Variants in MAMDC2 observed in about 807,000 individuals in gnomAD.
MAMDC2 encodes the protein MAM domain-containing protein 2.
In MAMDC2, 57 loss-of-function variants were observed where a neutral mutation model predicts 89.8. The ratio of observed to expected loss-of-function variants is 0.63; its 90% CI spans 0.51 to 0.79. The LOEUF (loss-of-function observed/expected upper bound fraction) is 0.79, where lower values mean the gene tolerates loss of function less well. MAMDC2 is among the 30% of genes least tolerant of loss of function. The pLI is 0.00. For synonymous variants in MAMDC2, 313 were observed against 293.4 expected (o/e 1.07, Z -0.68); for missense variants, 800 against 820.6 (o/e 0.97, Z 0.31).
intron 12 of MAMDC2, among the ~76,000 whole-genome samples, chr9:70,224,501 G>T (rs1430602674): frequency 6.6e-6 from 1 of 152,176 alleles, no homozygotes; most frequent in African/African-American, 2.4e-5. Flanking sequence ...TACAATTCCA[G>T]AAGTCTGAAG....
At chr9:70,184,021 G>T (rs1237812871) in intron 11 of MAMDC2, among the ~76,000 whole-genome samples, 1 of 152,124 alleles carries the variant, frequency 6.6e-6, no homozygotes, top group African/African-American at 2.4e-5. Flanking sequence ...GCTGGTACTG[G>T]TTTTTCCTTT....
At chr9:70,211,791 T>C (rs866105721) in intron 11 of MAMDC2, among the ~76,000 whole-genome samples, 2 of 152,240 alleles carry the variant, frequency 1.3e-5, no homozygotes, top group Non-Finnish European at 2.9e-5. Flanking sequence ...GATGGTAACG[T>C]ACAGATGGGG....
intron 2 of MAMDC2, among the ~76,000 whole-genome samples, chr9:70,107,009 C>A (rs189951372): frequency 3.3e-5 from 5 of 152,002 alleles, no homozygotes; most frequent in Non-Finnish European, 5.9e-5. Flanking sequence ...GATCCTTTCT[C>A]GTAAGAGTTT....
chr9:70,208,260 A>G (rs557641282), intron 11 of MAMDC2, among the ~76,000 whole-genome samples: 353 of 152,326 alleles, frequency 2.3e-3, no homozygotes, highest in African/African-American at 7.9e-3. Flanking sequence ...CTTCCTATCC[A>G]TGAGCATGGA....
intron 5 of MAMDC2, among the ~76,000 whole-genome samples, chr9:70,122,707 C>T (rs2030339334): frequency 1.3e-5 from 2 of 152,170 alleles, no homozygotes; most frequent in Admixed American, 1.3e-4. Flanking sequence ...TAGCCTACAT[C>T]ATATACCTCT....
chr9:70,089,908 T>A (rs1827850830), intron 2 of MAMDC2, among the ~76,000 whole-genome samples: 1 of 152,148 alleles, frequency 6.6e-6, no homozygotes, highest in African/African-American at 2.4e-5. Context: ...TGAGCCTTTT[T>A]AACCTAAATA....
At chr9:70,098,273 C>T (rs549739899) in intron 2 of MAMDC2, among the ~76,000 whole-genome samples, 2 of 152,300 alleles carry the variant, frequency 1.3e-5, no homozygotes, top group Admixed American at 6.5e-5. Flanking sequence ...CCCCACTTAC[C>T]ACCCTTTGGC....
At position 70,108,703 on chromosome 9, in the gene MAMDC2, G is replaced by A. The variant is rs375617294; in HGVS notation, c.420+221G>A. Among the ~76,000 whole-genome samples, 5 of 152,216 alleles carry A rather than the reference G, an allele frequency of 3.3e-5. No individual in the cohort carries two copies. The East Asian group carries it at 5.8e-4, about 18-fold the overall frequency. On this transcript the variant is annotated intron_variant, in intron 3 of 13. Coordinates refer to ENST00000377182, the MANE Select transcript of MAMDC2 (RefSeq NM_153267.5). ...AGATTTCTTTCCCATCTATTTAAAT[G>A]AGCCTTCTGTAAAAATCTAAATGGG...
At chr9:70,199,047 T>C (rs995926490) in intron 11 of MAMDC2, among the ~76,000 whole-genome samples, 2 of 29,064 alleles carry the variant, frequency 6.9e-5, no homozygotes, top group Non-Finnish European at 1.2e-4. Context: ...TAGCTTATTT[T>C]TTTTTTCGTT....
At chr9:70,123,748 T>A (rs572584411) in intron 5 of MAMDC2, among the ~76,000 whole-genome samples, 102 of 151,984 alleles carry the variant, frequency 6.7e-4, no homozygotes, top group African/African-American at 2.4e-3. Context: ...CAGAGAGAAA[T>A]GTACACAGGG....
chr9:70,052,847 C>G (rs1380276409), intron 2 of MAMDC2, among the ~76,000 whole-genome samples: 1 of 152,192 alleles, frequency 6.6e-6, no homozygotes, highest in Non-Finnish European at 1.5e-5. Context: ...CCAAATATAA[C>G]AGCAAAGCAG....
chr9:70,052,023 C>T lies in MAMDC2; in HGVS notation c.148+7326C>T, dbSNP rs111867353. On this transcript the variant is annotated intron_variant, in intron 2 of 13. Coordinates refer to ENST00000377182, the MANE Select transcript of MAMDC2 (RefSeq NM_153267.5). ...AAAAAAAATTTTTTTAAAGCTATATCCAGGTCTTACTCCAAGAGGTTCTGA... is the reference window on the plus strand; with the variant it reads ...AAAAAAAATTTTTTTAAAGCTATATTCAGGTCTTACTCCAAGAGGTTCTGA... 3.8e-3 allele frequency among the ~76,000 whole-genome samples: 577 copies of T among 152,160 alleles called. 3 individuals are homozygous for T. The highest frequency in any genetic ancestry group is 0.013 in the African/African-American group (552 of 41,502).
At chr9:70,078,763 T>C (rs943136721) in intron 2 of MAMDC2, among the ~76,000 whole-genome samples, 1 of 152,136 alleles carries the variant, frequency 6.6e-6, no homozygotes, top group African/African-American at 2.4e-5. Flanking sequence ...TTTAAAGGAT[T>C]TGCGTTCCTC....
chr9:70,168,843 C>T (rs2032247082), intron 10 of MAMDC2, 48 bp downstream of exon 10: 1 of 1,424,714 alleles, frequency 7.0e-7, no homozygotes, highest in Non-Finnish European at 9.9e-7. Context: ...CCTATACATA[C>T]ATTTCCTGTA....
At chr9:70,099,805 T>C (rs1303155143) in intron 2 of MAMDC2, among the ~76,000 whole-genome samples, 1 of 152,054 alleles carries the variant, frequency 6.6e-6, no homozygotes, top group African/African-American at 2.4e-5. Context: ...TGAAACCTCA[T>C]CTCTACTAAA....
At chr9:70,073,184 T>C (rs932794520) in intron 2 of MAMDC2, among the ~76,000 whole-genome samples, 1 of 152,224 alleles carries the variant, frequency 6.6e-6, no homozygotes, top group African/African-American at 2.4e-5. Context: ...AAATGACAAA[T>C]AGGCAGTGCA....
In MAMDC2 at chr9:70,225,971, T is replaced by C. The variant is rs139106390; in HGVS notation, c.2000T>C (p.Met667Thr). Residue 667 changes from methionine (M) to threonine (T), a missense_variant, in exon 14 of 14, where the codon ATG (methionine) becomes ACG (threonine). By Grantham distance (81) the Met-to-Thr change is moderately conservative (BLOSUM62 -1). Coordinates refer to ENST00000377182, the MANE Select transcript of MAMDC2 (RefSeq NM_153267.5). ...GTATATTTGTCTTTCCTGACAGAAA[T>C]GGAAGATACAACTCAACAATCATCA... ...VKFQAGPCGE[M>T]EDTTQQSSGY... 402 of 1,572,806 alleles carry C rather than the reference T, an allele frequency of 2.6e-4. 1 individual carries two copies. The highest frequency in any genetic ancestry group is 1.2e-3 in the Middle Eastern group (6 of 4,888).
At chr9:70,089,488 T>G (rs571465933) in intron 2 of MAMDC2, among the ~76,000 whole-genome samples, 2 of 152,156 alleles carry the variant, frequency 1.3e-5, no homozygotes, top group Admixed American at 6.6e-5. Context: ...GTGTGCACTC[T>G]AGTAGGGACT....
intron 2 of MAMDC2, among the ~76,000 whole-genome samples, chr9:70,076,066 G>C (rs984159693): frequency 1.3e-5 from 2 of 152,228 alleles, no homozygotes; most frequent in Non-Finnish European, 2.9e-5. Flanking sequence ...GGGCAGTTGA[G>C]TCAGCTCTGG....
Sources: gnomAD v4.1 joint callset for allele counts (sites outside exome capture counted in the v4.1 genomes callset) on GRCh38, gnomAD v4.1.1 for gene constraint, MANE v1.5 for transcripts, NCBI Gene and HGNC (gene_info 2026-07-23, HGNC 2026-07-21) for gene names.